Variants in KLF12 observed in about 807,000 individuals in gnomAD.
The protein encoded by KLF12 is Krueppel-like factor 12.
Under a neutral mutation model 37.8 loss-of-function variants are expected in KLF12, and 9 were observed. The ratio of observed to expected loss-of-function variants is 0.24; its 90% CI spans 0.14 to 0.42. KLF12 has a LOEUF of 0.42. Among genes scored for constraint, KLF12 ranks in the 10% least tolerant of loss-of-function variants. The pLI, the probability that KLF12 is intolerant of heterozygous loss-of-function variation, is 1.00. For missense variants in KLF12, 411 were observed against 516.0 expected (o/e 0.80, Z 1.97); for synonymous variants, 208 against 202.1 (o/e 1.03, Z -0.25).
At chr13:73,755,188 G>A (rs140817661) in intron 6 of KLF12, among the ~76,000 whole-genome samples, 12 of 152,092 alleles carry the variant, frequency 7.9e-5, no homozygotes, top group African/African-American at 1.9e-4. Context: ...GAAAAGCAGC[G>A]TTTCTTTTTC....
chr13:74,267,417 C>T, the KLF12 span, among the ~76,000 whole-genome samples: 2 of 152,124 alleles, frequency 1.3e-5, no homozygotes, highest in African/African-American at 4.8e-5. Flanking sequence ...AAAAGAAAAC[C>T]CTGTCGTTCA....
intron 2 of KLF12, among the ~76,000 whole-genome samples, chr13:73,962,612 T>G (rs959602135): frequency 4.6e-5 from 7 of 152,216 alleles, no homozygotes; most frequent in Admixed American, 3.9e-4. Context: ...CTCTGTACTT[T>G]CTGCTCAATT....
At chr13:74,304,408 G>A in the KLF12 span, among the ~76,000 whole-genome samples, 4 of 152,126 alleles carry the variant, frequency 2.6e-5, no homozygotes, top group Non-Finnish European at 1.5e-5. Context: ...AGAAAGCAAA[G>A]CATAGGATGC....
At position 73,943,142 on chromosome 13, in the gene KLF12, AT is replaced by A. The variant is rs577466739; in HGVS notation, c.123+838del. On this transcript the variant is annotated intron_variant, in intron 3 of 7. Coordinates refer to ENST00000377669, the MANE Select transcript of KLF12 (RefSeq NM_007249.5). ...AAAACATTGCTAATTTTTAGTTATG[AT>A]TTTTTAATAAGAGAGACACTGATAA... 1.2e-3 allele frequency among the ~76,000 whole-genome samples: 184 copies of A among 152,262 alleles called. 2 individuals are homozygous for A. Among genetic ancestry groups the A allele is most frequent in the African/African-American group, 4.3e-3 (178 of 41,554 alleles).
chr13:73,706,965 C>G (rs1324193379), intron 7 of KLF12, among the ~76,000 whole-genome samples: 2 of 152,154 alleles, frequency 1.3e-5, no homozygotes, highest in African/African-American at 4.8e-5. Flanking sequence ...GGAGAAAGAC[C>G]ACTCTATGTT....
intron 3 of KLF12, among the ~76,000 whole-genome samples, chr13:73,884,138 A>C (rs954583017): frequency 2.0e-5 from 3 of 152,164 alleles, no homozygotes; most frequent in Non-Finnish European, 4.4e-5. Flanking sequence ...ATAAGATGGA[A>C]CTCTTTCTCA....
At chr13:74,125,152 A>T (rs548056441) in intron 1 of KLF12, among the ~76,000 whole-genome samples, 18 of 150,364 alleles carry the variant, frequency 1.2e-4, no homozygotes, top group African/African-American at 4.1e-4. Flanking sequence ...TTCAAAAAAA[A>T]AAATATATAT....
chr13:73,719,850 C>T (rs1391276486), intron 6 of KLF12, among the ~76,000 whole-genome samples: 1 of 152,158 alleles, frequency 6.6e-6, no homozygotes, highest in Non-Finnish European at 1.5e-5. Flanking sequence ...GATCCTGCCT[C>T]AGTCTCCCAA....
chr13:73,715,689 C>T (rs543708054), intron 6 of KLF12, among the ~76,000 whole-genome samples, 164 bp from the exon 7 acceptor site: 1 of 152,086 alleles, frequency 6.6e-6, no homozygotes, highest in Non-Finnish European at 1.5e-5. Flanking sequence ...CTTTTCGAAA[C>T]CTGAAAGGCA....
intron 6 of KLF12, among the ~76,000 whole-genome samples, chr13:73,748,361 C>A (rs1381025696): frequency 6.6e-6 from 1 of 152,094 alleles, no homozygotes; most frequent in Admixed American, 6.6e-5. Context: ...TCTGTGTCCC[C>A]CAAAATTCAC....
At chr13:74,244,815 C>T in the KLF12 span, among the ~76,000 whole-genome samples, 2 of 152,082 alleles carry the variant, frequency 1.3e-5, no homozygotes, top group Admixed American at 6.6e-5. Context: ...AGATGTTATC[C>T]TGAGTTTTGA....
rs1873929150 is a variant in KLF12 at position 73,693,421 on chromosome 13, T to C, written c.*2069A>G. The C allele has an allele frequency of 6.6e-6, 1 of 152,234 alleles. No individual in the cohort carries two copies. The highest frequency in any genetic ancestry group is 2.1e-4 in the South Asian group (1 of 4,830). The allele number at this position is 152,234 out of a possible 1,614,324, so 9.4% of individuals were successfully genotyped here. A position where few individuals can be genotyped will look rare whatever the true frequency, so the allele number is the denominator to read the frequency against. On this transcript the variant is annotated 3_prime_UTR_variant, in exon 8 of 8. Coordinates refer to ENST00000377669, the MANE Select transcript of KLF12 (RefSeq NM_007249.5). ...GCAGCCCTTGTTGGAGGGAAATTGC[T>C]TGATGAATTTTTGAGACCTGGCAGA...
At chr13:74,108,478 A>C (rs1876784967) in intron 1 of KLF12, among the ~76,000 whole-genome samples, 1 of 152,178 alleles carries the variant, frequency 6.6e-6, no homozygotes, top group Non-Finnish European at 1.5e-5. Flanking sequence ...CTGTATTTTC[A>C]AACATACAGT....
Position 74,096,270 on chromosome 13 carries a change from T to G in KLF12, c.-32+37469A>C, listed in dbSNP as rs573538496. Among the ~76,000 whole-genome samples, 3 of 152,312 alleles carry G rather than the reference T, an allele frequency of 2.0e-5. No individual in the cohort carries two copies. The East Asian group carries it at 5.8e-4, about 29-fold the overall frequency. ...TCATCATTCTAACTAAACTCTAAGC[T>G]TCATCGTAAATTATCTTTACCTTCT... On this transcript the variant is annotated intron_variant, in intron 1 of 7. Transcript: ENST00000377669.
At chr13:73,855,716 A>G (rs767485099) in intron 3 of KLF12, among the ~76,000 whole-genome samples, 4 of 152,184 alleles carry the variant, frequency 2.6e-5, no homozygotes, top group Non-Finnish European at 5.9e-5. Context: ...CCAAGGGCGT[A>G]TAAGCACCTC....
intron 1 of KLF12, among the ~76,000 whole-genome samples, chr13:74,027,383 G>A (rs1338760872): frequency 6.6e-6 from 1 of 152,036 alleles, no homozygotes; most frequent in Non-Finnish European, 1.5e-5. Flanking sequence ...CGCGATGTCT[G>A]TTCATTCAAC....
chr13:73,697,274 C>T (rs2137553162), intron 7 of KLF12, among the ~76,000 whole-genome samples: 1 of 152,260 alleles, frequency 6.6e-6, no homozygotes, highest in East Asian at 1.9e-4. Flanking sequence ...GATCAAGCAG[C>T]CCTTTCAGAA....
At chr13:74,249,049 T>C in the KLF12 span, among the ~76,000 whole-genome samples, 1 of 152,024 alleles carries the variant, frequency 6.6e-6, no homozygotes, top group East Asian at 1.9e-4. Flanking sequence ...TTGGTTGAAA[T>C]TGAGAAAATT....
chr13:73,871,663 A>G (rs531228513), intron 3 of KLF12, among the ~76,000 whole-genome samples: 1 of 152,084 alleles, frequency 6.6e-6, no homozygotes, highest in African/African-American at 2.4e-5. Flanking sequence ...TCTCCCAACC[A>G]CTTTTCCTTC....
Sources: allele counts gnomAD v4.1 joint callset (sites outside exome capture counted in the v4.1 genomes callset), GRCh38; gene constraint gnomAD v4.1.1; transcripts MANE v1.5; gene names NCBI Gene and HGNC (gene_info 2026-07-23, HGNC 2026-07-21).